DYM: variants seen among roughly 807,000 people sequenced by gnomAD.
DYM encodes dyggve-Melchior-Clausen syndrome protein.
In DYM, 78 loss-of-function variants were observed where a neutral mutation model predicts 93.1. The ratio of observed to expected loss-of-function variants is 0.84; its 90% CI spans 0.70 to 1.01. The LOEUF (loss-of-function observed/expected upper bound fraction) is 1.01. Among genes scored for constraint, DYM ranks in the 50% least tolerant of loss-of-function variants. The pLI is 0.00. For missense variants in DYM, 789 were observed against 845.0 expected, an observed-to-expected ratio of 0.93 and a Z score of 0.82; for synonymous variants, 321 against 319.7, an observed-to-expected ratio of 1.00 and a Z score of -0.04.
chr18:49,378,167 C>T (rs192599314), intron 5 of DYM, among the ~76,000 whole-genome samples: 31 of 152,316 alleles, frequency 2.0e-4, no homozygotes, highest in Admixed American at 1.7e-3. Flanking sequence ...ATGAAAGTAA[C>T]CTTTACCATA....
At chr18:49,424,057 T>A (rs937284877) in intron 2 of DYM, among the ~76,000 whole-genome samples, 3 of 152,126 alleles carry the variant, frequency 2.0e-5, no homozygotes, top group East Asian at 1.9e-4. Context: ...TGAGGCCAGC[T>A]TCATCCTGAT....
intron 2 of DYM, among the ~76,000 whole-genome samples, chr18:49,427,618 C>T (rs2074412434): frequency 6.6e-6 from 1 of 151,732 alleles, no homozygotes; most frequent in South Asian, 2.1e-4. Context: ...ACTTAAAAAA[C>T]AATAATGAAC....
At chr18:49,395,719 C>T (rs1336618440) in intron 2 of DYM, among the ~76,000 whole-genome samples, 2 of 151,722 alleles carry the variant, frequency 1.3e-5, no homozygotes, top group South Asian at 4.2e-4. Context: ...ATCAAAACCA[C>T]AATGAGATAT....
At chr18:49,254,971 C>T (rs533558529) in intron 13 of DYM, among the ~76,000 whole-genome samples, 3 of 152,216 alleles carry the variant, frequency 2.0e-5, no homozygotes, top group South Asian at 4.1e-4. Context: ...TATTTTAAAT[C>T]GTGAAGTTCA....
intron 17 of DYM, among the ~76,000 whole-genome samples, chr18:49,083,882 CTTT>C (rs552148827): frequency 6.6e-6 from 1 of 152,014 alleles, no homozygotes; most frequent in African/African-American, 2.4e-5. Flanking sequence ...TGTGTCTCTT[CTTT>C]TTTTCTTGCT....
At chr18:49,244,993 G>A (rs1012139519) in intron 13 of DYM, among the ~76,000 whole-genome samples, 4 of 152,142 alleles carry the variant, frequency 2.6e-5, no homozygotes, top group African/African-American at 4.8e-5. Flanking sequence ...AAATTGTGAA[G>A]ATTTCATGGA....
At chr18:49,147,139 C>T (rs12606688) in intron 15 of DYM, among the ~76,000 whole-genome samples, 17,443 of 151,858 alleles carry the variant, frequency 0.11, 1,182 homozygotes, top group East Asian at 0.29. Context: ...AACTGGCTAG[C>T]CATATGTAGA....
intron 6 of DYM, among the ~76,000 whole-genome samples, chr18:49,347,121 T>TA (rs2147101725): frequency 6.6e-6 from 1 of 152,320 alleles, no homozygotes; most frequent in Admixed American, 6.5e-5. Flanking sequence ...TGAATGCCTA[T>TA]CGCTTTCACA....
At chr18:49,100,812 A>T (rs2080059973) in intron 16 of DYM, among the ~76,000 whole-genome samples, 1 of 152,150 alleles carries the variant, frequency 6.6e-6, no homozygotes, top group African/African-American at 2.4e-5. Flanking sequence ...GACAAACTAG[A>T]CTGGGGTGGC....
intron 13 of DYM, among the ~76,000 whole-genome samples, chr18:49,252,601 C>G (rs987953710): frequency 3.3e-5 from 5 of 152,186 alleles, no homozygotes; most frequent in Non-Finnish European, 7.4e-5. Flanking sequence ...AGGTGATTTT[C>G]AGTATACAAA....
At chr18:49,109,864 T>A (rs777166088) in intron 16 of DYM, among the ~76,000 whole-genome samples, 6 of 151,928 alleles carry the variant, frequency 3.9e-5, no homozygotes, top group Non-Finnish European at 7.3e-5. Context: ...GCTCACAAGA[T>A]GAAATCTGTG....
chr18:49,404,863 A>G (rs2071276809), intron 2 of DYM, among the ~76,000 whole-genome samples: 1 of 152,038 alleles, frequency 6.6e-6, no homozygotes, highest in Non-Finnish European at 1.5e-5. Context: ...AAATACAAAA[A>G]TTAGCCAGGC....
chr18:49,111,807 G>T (rs2081422121), intron 16 of DYM, among the ~76,000 whole-genome samples: 1 of 152,106 alleles, frequency 6.6e-6, no homozygotes, highest in Admixed American at 6.5e-5. Context: ...CAGAAGGTAG[G>T]GGATTCTCTA....
chr18:49,051,590 T>A (rs2072452336), intron 17 of DYM, among the ~76,000 whole-genome samples: 3 of 152,216 alleles, frequency 2.0e-5, no homozygotes, highest in African/African-American at 7.2e-5. Flanking sequence ...TTTGTTGATT[T>A]CTACTTAGAC....
rs112697668 is a variant in DYM at position 49,060,764 on chromosome 18, A to G, written c.2026-16560T>C. Among the ~76,000 whole-genome samples, 732 of 96,542 alleles carry G rather than the reference A, an allele frequency of 7.6e-3. 4 individuals are homozygous for G. The highest frequency in any genetic ancestry group is 9.7e-3 in the Non-Finnish European group (455 of 46,746). 63.3% of individuals were successfully genotyped at this position (96,542 alleles called of 152,430 possible). On this transcript the variant is annotated intron_variant, in intron 17 of 17. Transcript: ENST00000675505. ...GAGAAGGAGGGAGAGAGAGAGAGAGAGGGGGAGAGAGGGAGAGGGAGAAGG... is the reference window on the plus strand; with the variant it reads ...GAGAAGGAGGGAGAGAGAGAGAGAGGGGGGGAGAGAGGGAGAGGGAGAAGG...
At chr18:49,237,903 C>CT (rs112395450) in intron 13 of DYM, among the ~76,000 whole-genome samples, 6,632 of 144,878 alleles carry the variant, frequency 0.046, 332 homozygotes, top group African/African-American at 0.13. Flanking sequence ...GTACCTTACT[C>CT]TTTTTTTTTT....
intron 13 of DYM, among the ~76,000 whole-genome samples, chr18:49,233,467 A>G (rs751438760): frequency 6.6e-6 from 1 of 152,144 alleles, no homozygotes; most frequent in Non-Finnish European, 1.5e-5. Flanking sequence ...TCAGGTATAA[A>G]ATCTTTGTGT....
chr18:49,239,241 G>GA (rs1366748433), intron 13 of DYM, among the ~76,000 whole-genome samples: 2 of 152,122 alleles, frequency 1.3e-5, no homozygotes, highest in East Asian at 1.9e-4. Flanking sequence ...TAAATTAAAG[G>GA]AAAAAAATGC....
intron 2 of DYM, among the ~76,000 whole-genome samples, chr18:49,415,598 AAC>A (rs891696241): frequency 1.3e-5 from 2 of 152,080 alleles, no homozygotes; most frequent in South Asian, 2.1e-4. Flanking sequence ...CAATTTCTGT[AAC>A]ACAGTAAAGT....
Sources: gnomAD v4.1 joint callset for allele counts (sites outside exome capture counted in the v4.1 genomes callset) on GRCh38, gnomAD v4.1.1 for gene constraint, MANE v1.5 for transcripts, NCBI Gene and HGNC (gene_info 2026-07-23, HGNC 2026-07-21) for gene names.